Variants in ZNF718 observed in about 807,000 individuals in gnomAD.
ZNF718 encodes the protein zinc finger protein 718.
ZNF718 carries 3 observed loss-of-function variants against 2.6 expected under a neutral mutation model. The observed-to-expected ratio is 1.16, with a 90% CI of 0.53 to 3.01. The LOEUF (loss-of-function observed/expected upper bound fraction) is 3.01. Ranked by LOEUF, ZNF718 falls within the 30% of genes most tolerant of loss-of-function variation. The pLI is 0.03. For missense variants in ZNF718, 468 were observed against 230.0 expected (o/e 2.03, Z -6.69); for synonymous variants, 135 against 77.9 (o/e 1.73, Z -3.86).
intron 3 of ZNF718, among the ~76,000 whole-genome samples, chr4:138,457 G>GAAAAA (rs1560110755): frequency 1.3e-5 from 2 of 152,008 alleles, no homozygotes; most frequent in Non-Finnish European, 2.9e-5. Context: ...GAAGATGATG[G>GAAAAA]GATCTTGTTC....
chr4:158,048 T>C (rs782194822), intron 3 of ZNF718, among the ~76,000 whole-genome samples: 2 of 152,196 alleles, frequency 1.3e-5, no homozygotes, highest in African/African-American at 2.4e-5. Flanking sequence ...TATGTATATA[T>C]ACACACATTT....
At chr4:140,149 A>G (rs1453390301) in intron 3 of ZNF718, among the ~76,000 whole-genome samples, 2 of 152,056 alleles carry the variant, frequency 1.3e-5, no homozygotes, top group Non-Finnish European at 2.9e-5. Context: ...TCAACTGGCT[A>G]CGGAACAAAA....
intron 3 of ZNF718, among the ~76,000 whole-genome samples, chr4:139,897 G>A (rs552266064): frequency 3.9e-5 from 6 of 152,176 alleles, no homozygotes; most frequent in African/African-American, 9.6e-5. Flanking sequence ...TCCGTGCAGA[G>A]AAGGCTGACT....
chr4:197,664 A>C (rs1373768945), intron 3 of ZNF718, among the ~76,000 whole-genome samples: 2 of 152,206 alleles, frequency 1.3e-5, no homozygotes, highest in Non-Finnish European at 2.9e-5. Flanking sequence ...TTCTGCTATA[A>C]AATGGAACTA....
intron 3 of ZNF718, among the ~76,000 whole-genome samples, chr4:184,612 G>A (rs1717528600): frequency 6.6e-6 from 1 of 151,980 alleles, no homozygotes; most frequent in Non-Finnish European, 1.5e-5. Flanking sequence ...TGTACCTCTG[G>A]TAGAATTCAG....
At chr4:179,791 G>T (rs569275185) in intron 3 of ZNF718, among the ~76,000 whole-genome samples, 1 of 152,158 alleles carries the variant, frequency 6.6e-6, no homozygotes, top group South Asian at 2.1e-4. Context: ...CCAGAAAGTT[G>T]GAAGTTAAGG....
intron 3 of ZNF718, among the ~76,000 whole-genome samples, chr4:157,772 C>T (rs1716641890): frequency 6.6e-6 from 1 of 151,988 alleles, no homozygotes. Flanking sequence ...ATCAAGAAGA[C>T]TTTTGTATGA....
At chr4:124,746 G>T in intron 1 of ZNF718, 73 bp downstream of exon 1, 1 of 1,587,288 alleles carries the variant, frequency 6.3e-7, no homozygotes, top group Non-Finnish European at 8.6e-7. Flanking sequence ...GCGGCGGTGG[G>T]AGGAGTCTGT....
chr4:201,948 A>C (rs974249409), exon 5 of ZNF718: 1 of 183,446 alleles, frequency 5.5e-6, no homozygotes, highest in Non-Finnish European at 1.2e-5. Flanking sequence ...TCCTTGTTAC[A>C]TGCCCAGGAT....
chr4:200,297 C>G (rs1717873033), intron 3 of ZNF718, among the ~76,000 whole-genome samples: 1 of 152,228 alleles, frequency 6.6e-6, no homozygotes, highest in African/African-American at 2.4e-5. Flanking sequence ...GAGTCACGCA[C>G]TGTAGCCCAG....
chr4:181,681 C>T (rs1440432422), intron 3 of ZNF718, among the ~76,000 whole-genome samples: 2 of 151,850 alleles, frequency 1.3e-5, no homozygotes, highest in African/African-American at 4.8e-5. Flanking sequence ...CTCTTAAGTC[C>T]AGGGGTACAT....
At chr4:188,563 C>A (rs1553820720) in intron 3 of ZNF718, among the ~76,000 whole-genome samples, 2 of 152,174 alleles carry the variant, frequency 1.3e-5, no homozygotes, top group Non-Finnish European at 2.9e-5. Flanking sequence ...GACCTCCCAC[C>A]TTGTCTGAGT....
At chr4:191,091 A>G (rs958530399) in intron 3 of ZNF718, among the ~76,000 whole-genome samples, 3 of 151,784 alleles carry the variant, frequency 2.0e-5, no homozygotes, top group African/African-American at 7.3e-5. Context: ...AGTGAAGTCA[A>G]TATTTAGAGT....
Position 131,963 on chromosome 4 carries a change from T to G in ZNF718, c.226+458T>G, listed in dbSNP as rs1254887599. On this transcript the variant is annotated intron_variant, in intron 3 of 3. Transcript: ENST00000510175. The stretch of plus-strand genomic sequence containing the variant: ...AGGAGGCTGAGGCAGGAGAATGGCG[T>G]GAACCCAGGAGTCGGAGCTTGCAGT... Among the ~76,000 whole-genome samples, 2 of 99,112 alleles carry G rather than the reference T, an allele frequency of 2.0e-5. 1 individual carries two copies. The highest frequency in any genetic ancestry group is 4.4e-5 in the Non-Finnish European group (2 of 45,138). 65.0% of individuals were successfully genotyped at this position (99,112 alleles called of 152,430 possible).
At chr4:196,781 C>T (rs1553822098) in intron 3 of ZNF718, among the ~76,000 whole-genome samples, 1 of 152,018 alleles carries the variant, frequency 6.6e-6, no homozygotes, top group African/African-American at 2.4e-5. Flanking sequence ...TGTTAGAAAG[C>T]CCTTCCCAGG....
chr4:167,444 A>AT (rs1717116095), downstream of ZNF718, among the ~76,000 whole-genome samples: 1 of 152,086 alleles, frequency 6.6e-6, no homozygotes, highest in Admixed American at 6.6e-5. Flanking sequence ...CTTGGGCAGT[A>AT]TGGCCATTTT....
intron 3 of ZNF718, among the ~76,000 whole-genome samples, chr4:173,475 G>T (rs146145904): frequency 6.6e-6 from 1 of 152,138 alleles, no homozygotes; most frequent in African/African-American, 2.4e-5. Flanking sequence ...CCTCAGCTCA[G>T]CAGTCAGAGC....
chr4:124,489 G>T, upstream of ZNF718: 1 of 750,710 alleles, frequency 1.3e-6, no homozygotes, highest in Non-Finnish European at 2.3e-6. Context: ...TGCGGCATCC[G>T]GGATCTGGCG....
chr4:145,873 C>A (rs1450424123), intron 3 of ZNF718, among the ~76,000 whole-genome samples: 2 of 152,126 alleles, frequency 1.3e-5, no homozygotes, highest in East Asian at 3.9e-4. Context: ...GAACTCCAGG[C>A]CTCAAGCAAA....
Sources: gnomAD v4.1 joint callset for allele counts (sites outside exome capture counted in the v4.1 genomes callset) on GRCh38, gnomAD v4.1.1 for gene constraint, MANE v1.5 for transcripts, NCBI Gene and HGNC (gene_info 2026-07-23, HGNC 2026-07-21) for gene names.